Variants in STPG2 observed in about 807,000 individuals in gnomAD.
STPG2 encodes sperm-tail PG-rich repeat-containing protein 2.
Under a neutral mutation model 54.2 loss-of-function variants are expected in STPG2, and 56 were observed. That is an observed-to-expected ratio of 1.03 (90% CI 0.83 to 1.29). The LOEUF (loss-of-function observed/expected upper bound fraction) is 1.29, where lower values mean the gene tolerates loss of function less well. Ranked by LOEUF, STPG2 falls within the 50% of genes most tolerant of loss-of-function variation. The probability of loss-of-function intolerance (pLI) is 0.00; values close to 1 mark genes in which losing one functional copy is unlikely to be tolerated. For missense variants in STPG2, 596 were observed against 544.9 expected (o/e 1.09, Z -0.93); for synonymous variants, 200 against 181.8 (o/e 1.10, Z -0.81).
At chr4:97,718,304 A>T (rs990443591) in intron 9 of STPG2, among the ~76,000 whole-genome samples, 1 of 152,050 alleles carries the variant, frequency 6.6e-6, no homozygotes, top group East Asian at 1.9e-4. Context: ...AAAATCACTA[A>T]TTTATACCAT....
chr4:97,678,553 T>C (rs933414392), intron 10 of STPG2, among the ~76,000 whole-genome samples: 1 of 152,124 alleles, frequency 6.6e-6, no homozygotes, highest in Non-Finnish European at 1.5e-5. Context: ...ACCCATAGTA[T>C]CACAGGAATA....
At chr4:97,671,559 A>G (rs566625565) in intron 10 of STPG2, among the ~76,000 whole-genome samples, 1 of 152,366 alleles carries the variant, frequency 6.6e-6, no homozygotes, top group Non-Finnish European at 1.5e-5. Context: ...AAATGCACCC[A>G]TATACAAAGA....
chr4:97,859,667 G>A (rs1290665825), intron 8 of STPG2, among the ~76,000 whole-genome samples: 2 of 152,042 alleles, frequency 1.3e-5, no homozygotes, highest in Non-Finnish European at 2.9e-5. Context: ...GATTCACCAT[G>A]TTGGCCAGGC....
chr4:97,898,020 GT>G (rs1731027290), intron 8 of STPG2, among the ~76,000 whole-genome samples: 1 of 152,088 alleles, frequency 6.6e-6, no homozygotes, highest in Non-Finnish European at 1.5e-5. Flanking sequence ...TGTCTTCAAG[GT>G]TTTTTATAGT....
At chr4:97,761,158 T>C (rs1725876836) in intron 9 of STPG2, among the ~76,000 whole-genome samples, 1 of 152,160 alleles carries the variant, frequency 6.6e-6, no homozygotes, top group Admixed American at 6.5e-5. Context: ...CAGGTTGAAT[T>C]GTGCCCCCCA....
At chr4:97,567,373 C>T (rs1282410137) in intron 10 of STPG2, among the ~76,000 whole-genome samples, 1 of 150,502 alleles carries the variant, frequency 6.6e-6, no homozygotes, top group Non-Finnish European at 1.5e-5. Context: ...GGTGAGAATG[C>T]AAATTGGTGC....
chr4:97,944,605 ACAG>A (rs1296437799), intron 7 of STPG2, among the ~76,000 whole-genome samples: 1 of 152,144 alleles, frequency 6.6e-6, no homozygotes, highest in Admixed American at 6.6e-5. Context: ...AATAGAATAA[ACAG>A]CAGCAACATC....
At chr4:97,759,845 G>A (rs961282397) in intron 9 of STPG2, among the ~76,000 whole-genome samples, 1 of 152,086 alleles carries the variant, frequency 6.6e-6, no homozygotes, top group East Asian at 1.9e-4. Context: ...GGAGACTCTA[G>A]GAATTATAGG....
intron 10 of STPG2, among the ~76,000 whole-genome samples, chr4:97,711,027 T>G (rs1441606012): frequency 6.6e-6 from 1 of 151,592 alleles, no homozygotes; most frequent in Non-Finnish European, 1.5e-5. Context: ...TATATAATAT[T>G]AAATTTATAA....
chr4:97,684,373 G>A (rs942832460), intron 10 of STPG2, among the ~76,000 whole-genome samples: 1 of 151,954 alleles, frequency 6.6e-6, no homozygotes, highest in East Asian at 1.9e-4. Context: ...TCAAGGCAGT[G>A]TGGTATCAGC....
intron 7 of STPG2, among the ~76,000 whole-genome samples, chr4:97,953,198 CTAGAG>C (rs1209757335): frequency 6.6e-6 from 1 of 152,130 alleles, no homozygotes; most frequent in Non-Finnish European, 1.5e-5. Flanking sequence ...TCGTTGGCCA[CTAGAG>C]TAATGTTCTA....
intron 4 of STPG2, among the ~76,000 whole-genome samples, chr4:97,461,257 ATC>A (rs888281835): frequency 9.5e-5 from 14 of 147,534 alleles, no homozygotes; most frequent in Non-Finnish European, 9.1e-5. Flanking sequence ...CTTTCTCTTT[ATC>A]TCTCTCTCTC....
intron 4 of STPG2, among the ~76,000 whole-genome samples, chr4:97,491,803 C>T (rs1730509347): frequency 6.6e-6 from 1 of 151,412 alleles, no homozygotes; most frequent in African/African-American, 2.4e-5. Context: ...TCTGAAAGCA[C>T]AGAAAACCTA....
Position 98,081,665 on chromosome 4 carries a change from A to T in STPG2, c.612+24288T>A, listed in dbSNP as rs189076226. On this transcript the variant is annotated intron_variant, in intron 5 of 10. Transcript: ENST00000295268. ...TTGCTTAGAGACATGACTTGTGTTC[A>T]TGGGTCATGGCTCCCCATATCTTTG... Among the ~76,000 whole-genome samples, 3 of 152,322 alleles carry T rather than the reference A, an allele frequency of 2.0e-5. No homozygotes were observed. The East Asian group carries it at 5.8e-4, about 29-fold the overall frequency.
intron 10 of STPG2, among the ~76,000 whole-genome samples, chr4:97,621,353 T>C (rs917938587): frequency 6.6e-6 from 1 of 152,082 alleles, no homozygotes; most frequent in African/African-American, 2.4e-5. Flanking sequence ...AATCCAGAGT[T>C]GGTAGTTTGA....
At chr4:97,742,561 G>GTA (rs1343257333) in intron 9 of STPG2, among the ~76,000 whole-genome samples, 58 of 125,590 alleles carry the variant, frequency 4.6e-4, no homozygotes, top group Admixed American at 1.9e-3. Context: ...GTGTGTGTGT[G>GTA]TGTGTCTATA....
chr4:97,988,033 C>CAA (rs1734881735), intron 5 of STPG2, among the ~76,000 whole-genome samples: 1 of 149,024 alleles, frequency 6.7e-6, no homozygotes, highest in East Asian at 1.9e-4. Flanking sequence ...ATGTCACACA[C>CAA]ACACACACAC....
chr4:98,079,825 T>G (rs1738286533), intron 5 of STPG2, among the ~76,000 whole-genome samples: 1 of 152,112 alleles, frequency 6.6e-6, no homozygotes, highest in Non-Finnish European at 1.5e-5. Context: ...CTCTCTAAAA[T>G]GTTGCTTTTA....
chr4:97,528,790 GCTCT>G (rs1344095555), intron 4 of STPG2, among the ~76,000 whole-genome samples: 1 of 151,986 alleles, frequency 6.6e-6, no homozygotes, highest in African/African-American at 2.4e-5. Context: ...TCATGATTTG[GCTCT>G]CTGTTTATCT....
Sources: allele counts gnomAD v4.1 joint callset (sites outside exome capture counted in the v4.1 genomes callset), GRCh38; gene constraint gnomAD v4.1.1; transcripts MANE v1.5; gene names NCBI Gene and HGNC (gene_info 2026-07-23, HGNC 2026-07-21).